ESX1: variants seen among roughly 807,000 people sequenced by gnomAD.
ESX1 encodes the protein homeobox protein ESX1.
ESX1 carries 2 observed loss-of-function variants against 13.2 expected under a neutral mutation model. The observed-to-expected ratio is 0.15, with a 90% CI of 0.06 to 0.48. The LOEUF is 0.48. Ranked by LOEUF, ESX1 falls within the 20% of genes least tolerant of loss-of-function variation. The pLI is 0.97. For missense variants in ESX1, 307 were observed against 379.0 expected (o/e 0.81, Z 1.58); for synonymous variants, 157 against 163.1 (o/e 0.96, Z 0.29).
In ESX1 at chrX:104,250,362, TGGGCGGCCCGGGTGGCAGAGGC is replaced by T. The variant is rs782797223; in HGVS notation, c.1065_1086del (p.Pro356TrpfsTer50). 2.8e-6 allele frequency: 3 copies of T among 1,081,987 alleles called. No individual in the cohort carries two copies. The highest frequency in any genetic ancestry group is 2.6e-5 in the South Asian group (1 of 38,597). The allele number at this position is 1,081,987 out of a possible 1,213,427, so 89.2% of individuals were successfully genotyped here. A position where few individuals can be genotyped will look rare whatever the true frequency, so the allele number is the denominator to read the frequency against. The stretch of plus-strand genomic sequence containing the variant: ...GGCGGCCCGGGTGGCAGAGGCGCCA[TGGGCGGCCCGGGTGGCAGAGGC>T]GCCATGGGCGGCCCGGGTGGCAGAG... On this transcript the variant is annotated frameshift_variant, in exon 4 of 4. Coordinates refer to ENST00000372588, the MANE Select transcript of ESX1 (RefSeq NM_153448.4). LOFTEE classifies it low-confidence loss of function (END_TRUNC).
chrX:104,250,352 AGAGGCGCCATGGGCGGCCCG>A lies in ESX1; in HGVS notation c.1077_1096del (p.Gly360AlafsTer43). 8.9e-7 allele frequency: 1 copy of A among 1,128,428 alleles called. No individual in the cohort carries two copies. The highest frequency in any genetic ancestry group is 1.2e-6 in the Non-Finnish European group (1 of 860,437). The allele number at this position is 1,128,428 out of a possible 1,213,427, so 93.0% of individuals were successfully genotyped here. A position where few individuals can be genotyped will look rare whatever the true frequency, so the allele number is the denominator to read the frequency against. Reference sequence around the variant, plus strand: ...AGGCGCCATGGGCGGCCCGGGTGGCAGAGGCGCCATGGGCGGCCCGGGTGGCAGAGGCGCCATGGGCGGCC... The same window carrying A: ...AGGCGCCATGGGCGGCCCGGGTGGCAGGTGGCAGAGGCGCCATGGGCGGCC... On this transcript the variant is annotated frameshift_variant, in exon 4 of 4. Coordinates refer to ENST00000372588, the MANE Select transcript of ESX1 (RefSeq NM_153448.4). LOFTEE classifies it low-confidence loss of function (END_TRUNC).
In ESX1 at chrX:104,250,287, G is replaced by A; in HGVS notation, c.1162C>T (p.Pro388Ser). Residue 388 changes from proline (P) to serine (S), a missense_variant, in exon 4 of 4, where the codon CCT becomes TCT. Physicochemically the swap from Pro to Ser is moderately conservative, Grantham distance 74. Around this residue, in one of 3 missense-constraint regions of ESX1, gnomAD observed 47 missense variants for 117.0 expected, o/e 0.40. Coordinates refer to ENST00000372588, the MANE Select transcript of ESX1 (RefSeq NM_153448.4). ...RSHVPHTGLA[P>S]VHITWAPVIN... ...ACAGGGGCCCATGTGATGTGTACAG[G>A]AGCCAGGCCAGTGTGAGGCACATGT... The A allele has an allele frequency of 8.3e-7, 1 of 1,203,450 alleles. No homozygotes were observed. Among genetic ancestry groups the A allele is most frequent in the Non-Finnish European group, 1.1e-6 (1 of 891,557 alleles).
At position 104,250,155 on chromosome X, in the gene ESX1, C is replaced by G; in HGVS notation, c.*73G>C. 9.0e-7 allele frequency: 1 copy of G among 1,117,238 alleles called. No homozygotes were observed. The highest frequency in any genetic ancestry group is 2.7e-5 in the Admixed American group (1 of 37,525). 92.1% of individuals were successfully genotyped at this position (1,117,238 alleles called of 1,213,427 possible). On this transcript the variant is annotated 3_prime_UTR_variant, in exon 4 of 4. Coordinates refer to ENST00000372588, the MANE Select transcript of ESX1 (RefSeq NM_153448.4). ...CATTTAACAAGCATCTAACGAATTA[C>G]TTGATGCTGTGCTGTGCACAATTTC...
chrX:104,251,967 C>T (rs57204126), intron 3 of ESX1, among the ~76,000 whole-genome samples: 4,994 of 112,060 alleles, frequency 0.045, 244 homozygotes, highest in African/African-American at 0.15. Context: ...TTCCACCCTT[C>T]TTAGGTAAGG....
Position 104,254,542 on chromosome X carries a change from C to T in ESX1, c.118G>A (p.Gly40Arg), listed in dbSNP as rs1556395487. Residue 40 changes from glycine (G) to arginine (R), a missense_variant, in exon 2 of 4, where the codon GGA (glycine) becomes AGA (arginine). Gly to Arg is a moderately radical substitution (Grantham distance 125). Coordinates refer to ENST00000372588, the MANE Select transcript of ESX1 (RefSeq NM_153448.4). ...CGTGTATTCTCCTCGTCCTCTCCTC[C>T]CCTTGCCATCAGCGAGGTCACGGTA... is the stretch of plus-strand genomic sequence containing the variant. ...KLTVTSLMAR[G>R]GEDEENTRSK... The T allele has an allele frequency of 3.3e-6, 4 of 1,208,532 alleles. No homozygotes were observed. In the East Asian group the frequency reaches 8.9e-5, roughly 27 times the overall value.
rs1556394676 is a variant in ESX1 at position 104,252,833 on chromosome X, G to A, written c.507-5C>T. The A allele has an allele frequency of 8.3e-7, 1 of 1,202,504 alleles. No homozygotes were observed. The highest frequency in any genetic ancestry group is 2.2e-5 in the Admixed American group (1 of 45,870). ...AGGCGTGCTGCAAGTCTCTCTCTTAGGGGAGAAAATTACAAATATTCAGTA... is the reference window on the plus strand; with the variant it reads ...AGGCGTGCTGCAAGTCTCTCTCTTAAGGGAGAAAATTACAAATATTCAGTA... On this transcript the variant is annotated splice_region_variant and splice_polypyrimidine_tract_variant and intron_variant, in intron 2 of 3. Transcript: ENST00000372588.
chrX:104,253,336 A>G (rs1044912821), intron 2 of ESX1, among the ~76,000 whole-genome samples: 1 of 108,942 alleles, frequency 9.2e-6, no homozygotes, highest in Non-Finnish European at 1.9e-5. Context: ...AATATGACTC[A>G]ATTCTTCTGT....
intron 3 of ESX1, among the ~76,000 whole-genome samples, chrX:104,251,591 T>C (rs1216088956): frequency 1.8e-5 from 2 of 112,177 alleles, no homozygotes; most frequent in African/African-American, 6.5e-5. Flanking sequence ...TTCTAACTTT[T>C]ATTTATTTAT....
chrX:104,254,720 T>G lies in ESX1; in HGVS notation c.82+48A>C, dbSNP rs374819945. 8.6e-6 allele frequency: 10 copies of G among 1,164,925 alleles called. No homozygotes were observed. In the African/African-American group the frequency reaches 1.8e-4, roughly 21 times the overall value. The stretch of plus-strand genomic sequence containing the variant: ...CCGCTTGCCTCTCCCAGGGAAAAAT[T>G]CCTCTTTTGGAGTTCGCGAAAGCTC... On this transcript the variant is annotated intron_variant, in intron 1 of 3. Transcript: ENST00000372588.
At chrX:104,254,008 CCA>C (rs1923252872) in intron 2 of ESX1, 144 bp downstream of exon 2, 1 of 719,339 alleles carries the variant, frequency 1.4e-6, no homozygotes, top group Non-Finnish European at 2.0e-6. Context: ...TAGTCCCGCC[CCA>C]GTCTTTTACA....
At position 104,254,792 on chromosome X, in the gene ESX1, C is replaced by T; in HGVS notation, c.58G>A (p.Gly20Ser). Residue 20 changes from glycine (G) to serine (S), a missense_variant, in exon 1 of 4, where the codon GGC (glycine) becomes AGC (serine). Coordinates refer to ENST00000372588, the MANE Select transcript of ESX1 (RefSeq NM_153448.4). Reference protein sequence around the residue: ...SDIGYRSLAVGEDIEEVNDEK... With the variant: ...SDIGYRSLAVSEDIEEVNDEK... ...CCATTCACTTCCTCGATGTCCTCGC[C>T]GACTGCCAGGCTGCGGTAGCCAATA... The T allele has an allele frequency of 2.5e-6, 3 of 1,210,643 alleles. No individual in the cohort carries two copies. Among genetic ancestry groups the T allele is most frequent in the Non-Finnish European group, 3.4e-6 (3 of 894,287 alleles).
In ESX1 at chrX:104,254,226, G is replaced by A. The variant is rs1923261138; in HGVS notation, c.434C>T (p.Ala145Val). The A allele has an allele frequency of 8.3e-7, 1 of 1,212,051 alleles. No individual in the cohort carries two copies. Among genetic ancestry groups the A allele is most frequent in the Non-Finnish European group, 1.1e-6 (1 of 895,458 alleles). ...CTCCTGCAGCTGAAACTGCGTGAAC[G>A]CGGTGCGGCGGCGGCGTTTCCTCTC... ...PPERKRRRRT[A>V]FTQFQLQELE... The change falls in exon 2 of 4, where the codon GCG (alanine) becomes GTG (valine). Residue 145 changes from alanine to valine, a missense_variant. Transcript: ENST00000372588.
At chrX:104,252,896 G>C in intron 2 of ESX1, 68 bp from the exon 3 acceptor site, 2 of 1,012,168 alleles carry the variant, frequency 2.0e-6, no homozygotes, top group Non-Finnish European at 2.8e-6. Context: ...TATGAACGTG[G>C]CTCGGCTCAG....
chrX:104,250,677 TG>T lies in ESX1; in HGVS notation c.771del (p.Met258TrpfsTer10), dbSNP rs1213184512. On this transcript the variant is annotated frameshift_variant, in exon 4 of 4. Transcript: ENST00000372588. LOFTEE classifies it low-confidence loss of function (END_TRUNC). ...GGTGGCCTGGGTGGCATAGGGACCA[TG>T]GGTGGCCTGGGTGGCATAGGTGGCA... ...LPVPPMPPRP[P>X]MVPMPPRPPI... 9.1e-6 allele frequency: 11 copies of T among 1,208,707 alleles called. No individual in the cohort carries two copies. Among genetic ancestry groups the T allele is most frequent in the Non-Finnish European group, 1.2e-5 (11 of 894,606 alleles).
chrX:104,252,901 G>A, intron 2 of ESX1, 73 bp from the exon 3 acceptor site: 3 of 1,004,087 alleles, frequency 3.0e-6, no homozygotes, highest in Non-Finnish European at 4.2e-6. Flanking sequence ...ACGTGGCTCG[G>A]CTCAGCACTT....
At chrX:104,252,911 T>C (rs1034901640) in intron 2 of ESX1, 83 bp from the exon 3 acceptor site, 1 of 909,027 alleles carries the variant, frequency 1.1e-6, no homozygotes, top group Non-Finnish European at 1.6e-6. Context: ...GCTCAGCACT[T>C]TGGGAGGCCG....
In ESX1 at chrX:104,254,292, G is replaced by A. The variant is rs368352917; in HGVS notation, c.368C>T (p.Pro123Leu). The A allele has an allele frequency of 8.3e-7, 1 of 1,211,772 alleles. No homozygotes were observed. Among genetic ancestry groups the A allele is most frequent in the South Asian group, 1.8e-5 (1 of 57,019 alleles). The change falls in exon 2 of 4, where the codon CCG (proline) becomes CTG (leucine). Residue 123 changes from proline to leucine, a missense_variant. By Grantham distance (98) the Pro-to-Leu change is moderately conservative (BLOSUM62 -3). This residue lies in a region of ESX1 where 152 missense variants were observed against 114.5 expected (regional missense o/e 1.33). Coordinates refer to ENST00000372588, the MANE Select transcript of ESX1 (RefSeq NM_153448.4). ...CTCAGCGGTTTGTGGCCCCTCCGCC[G>A]GCTGTGGCCCCTCCACGGTCGTCTG... ...PPQTTVEGPQ[P>L]AEGPQTAEGP...
At chrX:104,254,101 T>C (rs1923255928) in intron 2 of ESX1, 53 bp downstream of exon 2, 1 of 1,145,421 alleles carries the variant, frequency 8.7e-7, no homozygotes, top group Admixed American at 2.8e-5. Context: ...GGCTTTTAGC[T>C]CCGGTGAAAG....
intron 2 of ESX1, 42 bp from the exon 3 acceptor site, chrX:104,252,870 G>C: frequency 8.8e-7 from 1 of 1,136,253 alleles, no homozygotes; most frequent in Non-Finnish European, 1.2e-6. Context: ...TTGGAGTTGT[G>C]GATAAAATGC....
Sources: gnomAD v4.1 joint callset for allele counts (sites outside exome capture counted in the v4.1 genomes callset) on GRCh38, gnomAD v4.1.1 for gene constraint, gnomAD v4.1.1 regional missense constraint, MANE v1.5 for transcripts, NCBI Gene and HGNC (gene_info 2026-07-23, HGNC 2026-07-21) for gene names.